Variants in CIP2A observed in about 807,000 individuals in gnomAD.
The protein encoded by CIP2A is cellular inhibitor of PP2A.
In CIP2A, 103 loss-of-function variants were observed where a neutral mutation model predicts 110.9. That is an observed-to-expected ratio of 0.93 (90% CI 0.79 to 1.09). CIP2A has a LOEUF of 1.09. CIP2A is among the 50% of genes least tolerant of loss of function. CIP2A has a pLI of 0.00. For synonymous variants in CIP2A, 381 were observed against 361.6 expected (o/e 1.05, Z -0.61); for missense variants, 1,088 against 1,038.4 (o/e 1.05, Z -0.66).
At chr3:108,576,242 T>C in intron 8 of CIP2A, 29 bp downstream of exon 8, 1 of 1,425,522 alleles carries the variant, frequency 7.0e-7, no homozygotes. Context: ...TTTTTAAAAG[T>C]TTAAATGAAA....
chr3:108,558,111 A>C (rs1200869887), intron 16 of CIP2A, among the ~76,000 whole-genome samples: 1 of 152,174 alleles, frequency 6.6e-6, no homozygotes, highest in African/African-American at 2.4e-5. Context: ...AAAATACAAG[A>C]CATGTCCAAC....
chr3:108,565,873 A>C (rs1468105074), intron 11 of CIP2A, among the ~76,000 whole-genome samples: 1 of 151,852 alleles, frequency 6.6e-6, no homozygotes, highest in African/African-American at 2.4e-5. Context: ...AGTAGTATAC[A>C]AATATAAAAA....
intron 19 of CIP2A, 50 bp downstream of exon 19, chr3:108,553,597 CA>C: frequency 1.4e-6 from 2 of 1,476,328 alleles, no homozygotes; most frequent in Admixed American, 2.0e-5. Context: ...CTCATGCTTC[CA>C]AAATAAATAC....
chr3:108,575,341 CAT>C (rs1938545202), intron 8 of CIP2A, among the ~76,000 whole-genome samples: 1 of 148,314 alleles, frequency 6.7e-6, no homozygotes, highest in African/African-American at 2.6e-5. Context: ...TGTATATATA[CAT>C]ATACACACAT....
At chr3:108,588,442 T>G (rs1939161570) in intron 1 of CIP2A, among the ~76,000 whole-genome samples, 1 of 152,244 alleles carries the variant, frequency 6.6e-6, no homozygotes, top group South Asian at 2.1e-4. Context: ...ATCATTTTTT[T>G]CCTGTAATAT....
At position 108,557,364 on chromosome 3, in the gene CIP2A, C is replaced by T. The variant is rs1937845213; in HGVS notation, c.2064G>A (p.Glu688=). The change falls in exon 17 of 21, where the codon GAG becomes GAA. Residue 688 remains glutamate (E), a synonymous_variant. Transcript: ENST00000295746. ...GCTGCGCCTTCAGCAACACACTAAG[C>T]TCTTCATTTTTTCTCTCAACTTCTC... ...MLREVERKNE[E]LSVLLKAQQV... is the part of the protein sequence containing the mutation. 6.2e-7 allele frequency: 1 copy of T among 1,610,040 alleles called. No homozygotes were observed. The highest frequency in any genetic ancestry group is 1.3e-5 in the African/African-American group (1 of 74,896).
rs1937981904 is a variant in CIP2A, at chr3:108,560,807, T to C, written c.1669A>G (p.Arg557Gly). 2.5e-6 allele frequency: 4 copies of C among 1,609,088 alleles called. No homozygotes were observed. The highest frequency in any genetic ancestry group is 3.4e-6 in the Non-Finnish European group (4 of 1,177,932). Residue 557 changes from arginine (R) to glycine (G), a missense_variant, in exon 14 of 21, where the codon AGA becomes GGA. Coordinates refer to ENST00000295746, the MANE Select transcript of CIP2A (RefSeq NM_020890.3). ...GESIAANNAY[R>G]QQETEHIPRK... ...GGTATATGTTCTGTTTCCTGTTGTC[T>C]ATAGGCATTGTTTGCTGCTATACTT...
intron 16 of CIP2A, 28 bp downstream of exon 16, chr3:108,559,729 A>C: frequency 1.5e-6 from 2 of 1,322,888 alleles, no homozygotes; most frequent in Non-Finnish European, 2.1e-6. Flanking sequence ...TTTTCTACAA[A>C]TCAGATGTGT....
chr3:108,572,431 C>T (rs73850557), intron 8 of CIP2A, among the ~76,000 whole-genome samples: 1,696 of 152,050 alleles, frequency 0.011, 26 homozygotes, highest in African/African-American at 0.037. Context: ...ATTGACCCAG[C>T]GTCATTTATT....
At chr3:108,583,396 A>G (rs1559704045) in intron 2 of CIP2A, among the ~76,000 whole-genome samples, 2 of 152,200 alleles carry the variant, frequency 1.3e-5, no homozygotes, top group Non-Finnish European at 2.9e-5. Flanking sequence ...TATTTACACA[A>G]TGGAATACTA....
At chr3:108,556,040 C>A (rs566622719) in intron 17 of CIP2A, among the ~76,000 whole-genome samples, 1 of 152,136 alleles carries the variant, frequency 6.6e-6, no homozygotes, top group Non-Finnish European at 1.5e-5. Context: ...AGTTCTATAA[C>A]GTATTTTCTT....
chr3:108,579,947 T>C (rs1334937716), intron 5 of CIP2A, among the ~76,000 whole-genome samples: 2 of 152,178 alleles, frequency 1.3e-5, no homozygotes, highest in East Asian at 1.9e-4. Flanking sequence ...TGGAGATAAA[T>C]ATTTCCAAAG....
intron 1 of CIP2A, 118 bp from the exon 2 acceptor site, chr3:108,585,330 ATT>A: frequency 2.2e-6 from 2 of 897,112 alleles, no homozygotes; most frequent in Non-Finnish European, 3.3e-6. Flanking sequence ...AATTTAAAAA[ATT>A]CACACATGCT....
intron 10 of CIP2A, among the ~76,000 whole-genome samples, chr3:108,566,864 C>T (rs954087243): frequency 3.1e-4 from 47 of 151,730 alleles, no homozygotes; most frequent in African/African-American, 1.1e-3. Context: ...GTTAAAACAG[C>T]GAGGATATCT....
chr3:108,588,154 C>T (rs892250671), intron 1 of CIP2A, among the ~76,000 whole-genome samples: 9 of 152,152 alleles, frequency 5.9e-5, no homozygotes, highest in African/African-American at 1.2e-4. Context: ...TGCTTAACTC[C>T]CGATTTTTAA....
intron 1 of CIP2A, among the ~76,000 whole-genome samples, chr3:108,587,692 T>C (rs1261966407): frequency 1.3e-5 from 2 of 152,248 alleles, no homozygotes; most frequent in Non-Finnish European, 1.5e-5. Context: ...TTCATACCTT[T>C]GCAACAACGG....
In CIP2A at chr3:108,566,100, C is replaced by T. The variant is rs139292719; in HGVS notation, c.1415+397G>A. Among the ~76,000 whole-genome samples, 705 of 151,788 alleles carry T rather than the reference C, an allele frequency of 4.6e-3. 5 individuals are homozygous for T. Among genetic ancestry groups the T allele is most frequent in the African/African-American group, 0.016 (673 of 41,526 alleles). On this transcript the variant is annotated intron_variant, in intron 11 of 20. Coordinates refer to ENST00000295746, the MANE Select transcript of CIP2A (RefSeq NM_020890.3). ...TGACCTGCCAAGGAAGGAGAGTTGT[C>T]TGTTATTAAAAAGCCTTTAGCAGTG...
chr3:108,576,461 T>C (rs1254744321), intron 7 of CIP2A, 115 bp from the exon 8 acceptor site: 6 of 551,662 alleles, frequency 1.1e-5, no homozygotes, highest in African/African-American at 2.0e-5. Context: ...ATCTATTTAT[T>C]TGGGCTTCTA....
intron 19 of CIP2A, 73 bp downstream of exon 19, chr3:108,553,575 C>T: frequency 7.8e-7 from 1 of 1,283,188 alleles, no homozygotes. Flanking sequence ...AATAAAAAAG[C>T]AAACAAAACC....
Sources: gnomAD v4.1 joint callset for allele counts (sites outside exome capture counted in the v4.1 genomes callset) on GRCh38, gnomAD v4.1.1 for gene constraint, MANE v1.5 for transcripts, NCBI Gene and HGNC (gene_info 2026-07-23, HGNC 2026-07-21) for gene names.